The following SLC24A4 variants were observed in gnomAD, a reference collection of about 807,000 sequenced individuals.
SLC24A4 encodes the protein solute carrier family 24 member 4, also known as sodium/potassium/calcium exchanger 4.
A neutral mutation model predicts 79.0 loss-of-function variants in SLC24A4; 53 were observed. The ratio of observed to expected loss-of-function variants is 0.67; its 90% CI spans 0.54 to 0.84. The LOEUF is 0.84. Ranked by LOEUF, SLC24A4 falls within the 40% of genes least tolerant of loss-of-function variation. The pLI, the probability that SLC24A4 is intolerant of heterozygous loss-of-function variation, is 0.00. For missense variants in SLC24A4, 731 were observed against 822.0 expected (o/e 0.89, Z 1.35); for synonymous variants, 323 against 323.8 (o/e 1.00, Z 0.03).
intron 3 of SLC24A4, among the ~76,000 whole-genome samples, chr14:92,436,777 G>GCT (rs374994948): frequency 3.3e-4 from 50 of 152,320 alleles, no homozygotes; most frequent in Middle Eastern, 6.8e-3. Context: ...AGAAGAGAGA[G>GCT]AGGCCTTTTG....
chr14:92,481,050 A>G lies in SLC24A4; in HGVS notation c.1256-1630A>G, dbSNP rs182999925. On this transcript the variant is annotated intron_variant, in intron 12 of 16. Coordinates refer to ENST00000532405, the MANE Select transcript of SLC24A4 (RefSeq NM_153646.4). Reference sequence around the variant, plus strand: ...TCGTTCTCCCAGTCTTTGCCAAGGGACTCTGTATGTGTTTTGGGGCATGCC... The same window carrying G: ...TCGTTCTCCCAGTCTTTGCCAAGGGGCTCTGTATGTGTTTTGGGGCATGCC... Among the ~76,000 whole-genome samples, 298 of 152,028 alleles carry G rather than the reference A, an allele frequency of 2.0e-3. 1 individual carries two copies. Among genetic ancestry groups the G allele is most frequent in the Non-Finnish European group, 3.1e-3 (213 of 67,966 alleles).
chr14:92,488,690 C>T (rs1895510791), intron 14 of SLC24A4, among the ~76,000 whole-genome samples: 5 of 151,736 alleles, frequency 3.3e-5, no homozygotes, highest in Admixed American at 3.3e-4. Flanking sequence ...CAGCCCAGTA[C>T]AGTGAGTACA....
chr14:92,436,686 C>T (rs1320242929), intron 3 of SLC24A4, among the ~76,000 whole-genome samples: 1 of 152,174 alleles, frequency 6.6e-6, no homozygotes, highest in Non-Finnish European at 1.5e-5. Context: ...CCAGTTTTGC[C>T]TGCAGTGCTC....
In SLC24A4 at chr14:92,449,137, G is replaced by A. The variant is rs757484775; in HGVS notation, c.801G>A (p.Pro267=). 3.7e-5 allele frequency: 59 copies of A among 1,614,040 alleles called. No homozygotes were observed. In the East Asian group the frequency reaches 4.9e-4, roughly 13 times the overall value. ...VKQKSIANGN[P]VNSELEAGND... ...AAAAGAGCATTGCAAACGGTAACCC[G>A]GTCAACAGTGAGCTGGAGGCTGGTA... The change falls in exon 10 of 17, where the codon CCG becomes CCA. Residue 267 remains proline (P), a synonymous_variant. Coordinates refer to ENST00000532405, the MANE Select transcript of SLC24A4 (RefSeq NM_153646.4).
At chr14:92,338,180 G>A (rs1188199621) in intron 2 of SLC24A4, among the ~76,000 whole-genome samples, 2 of 152,070 alleles carry the variant, frequency 1.3e-5, no homozygotes, top group East Asian at 1.9e-4. Flanking sequence ...AATGAGAGCT[G>A]GAATTTGGAG....
intron 7 of SLC24A4, 66 bp downstream of exon 7, chr14:92,443,540 C>T (rs1892624070): frequency 1.3e-6 from 2 of 1,494,064 alleles, no homozygotes; most frequent in South Asian, 2.3e-5. Flanking sequence ...GGACCCCTGC[C>T]CATCTCTGCC....
At chr14:92,326,639 C>G (rs886863301) in intron 2 of SLC24A4, among the ~76,000 whole-genome samples, 1 of 152,168 alleles carries the variant, frequency 6.6e-6, no homozygotes, top group Non-Finnish European at 1.5e-5. Flanking sequence ...CAGGAGAAGA[C>G]AGCGTATTGG....
chr14:92,391,494 G>A (rs72631608), intron 2 of SLC24A4, among the ~76,000 whole-genome samples: 10,629 of 152,186 alleles, frequency 0.07, 510 homozygotes, highest in Non-Finnish European at 0.097. Flanking sequence ...ACTTGCCACC[G>A]TCCACACTCC....
Position 92,487,350 on chromosome 14 carries a change from C to A in SLC24A4, c.1537+570C>A, listed in dbSNP as rs1166203051. 7.2e-5 allele frequency among the ~76,000 whole-genome samples: 11 copies of A among 152,294 alleles called. No individual in the cohort carries two copies. In the East Asian group the frequency reaches 1.9e-3, roughly 27 times the overall value. On this transcript the variant is annotated intron_variant, in intron 14 of 16. Coordinates refer to ENST00000532405, the MANE Select transcript of SLC24A4 (RefSeq NM_153646.4). ...TTCTTTTCTGCTAGCCAGGTAGCAT[C>A]CCAGCATGGACATCCACAGATCTTC... is the stretch of plus-strand genomic sequence containing the variant.
chr14:92,430,055 T>G (rs979061760), intron 2 of SLC24A4, among the ~76,000 whole-genome samples: 1 of 152,248 alleles, frequency 6.6e-6, no homozygotes. Flanking sequence ...CCTAATCCAG[T>G]GCCTGGCACA....
At chr14:92,343,633 T>TCTTTCC (rs1886316895) in intron 2 of SLC24A4, among the ~76,000 whole-genome samples, 1 of 96,722 alleles carries the variant, frequency 1.0e-5, no homozygotes, top group South Asian at 3.4e-4. Flanking sequence ...TCTTTCTTTC[T>TCTTTCC]TTCTTTCTCT....
intron 2 of SLC24A4, among the ~76,000 whole-genome samples, chr14:92,344,035 T>C (rs1389128691): frequency 6.6e-6 from 1 of 152,170 alleles, no homozygotes; most frequent in East Asian, 1.9e-4. Context: ...GCTTATGTTA[T>C]TGTTTGCATT....
chr14:92,432,764 G>A (rs1336683153), intron 2 of SLC24A4, among the ~76,000 whole-genome samples: 1 of 152,134 alleles, frequency 6.6e-6, no homozygotes, highest in African/African-American at 2.4e-5. Context: ...CTTGCCGAGA[G>A]AATCAGATCT....
At chr14:92,385,643 G>A (rs1049256487) in intron 2 of SLC24A4, among the ~76,000 whole-genome samples, 3 of 152,186 alleles carry the variant, frequency 2.0e-5, no homozygotes, top group African/African-American at 4.8e-5. Flanking sequence ...GGAGAGGCAG[G>A]CTCAGCAGGA....
intron 2 of SLC24A4, among the ~76,000 whole-genome samples, chr14:92,346,975 G>T (rs1217042850): frequency 1.3e-5 from 2 of 152,164 alleles, no homozygotes; most frequent in Non-Finnish European, 2.9e-5. Context: ...GACCCCAAGA[G>T]TCAGGGTTCG....
chr14:92,406,365 G>A (rs1342622807), intron 2 of SLC24A4, among the ~76,000 whole-genome samples: 3 of 152,202 alleles, frequency 2.0e-5, no homozygotes, highest in Non-Finnish European at 4.4e-5. Flanking sequence ...CTGGGGTCTG[G>A]AGGATGGTGA....
At chr14:92,381,887 A>C (rs1888872313) in intron 2 of SLC24A4, among the ~76,000 whole-genome samples, 1 of 152,188 alleles carries the variant, frequency 6.6e-6, no homozygotes. Context: ...TGTGATTGTA[A>C]GGCGGAGAGC....
chr14:92,411,484 T>C (rs138449714), intron 2 of SLC24A4, among the ~76,000 whole-genome samples: 121 of 152,316 alleles, frequency 7.9e-4, no homozygotes, highest in African/African-American at 2.8e-3. Flanking sequence ...GGTAATTCCC[T>C]TCTTTCATTT....
intron 2 of SLC24A4, among the ~76,000 whole-genome samples, chr14:92,328,854 C>A (rs1358879316): frequency 1.3e-5 from 2 of 152,252 alleles, no homozygotes; most frequent in Non-Finnish European, 2.9e-5. Flanking sequence ...ACTGAAGCTG[C>A]CACGCCTACC....
Sources: gnomAD v4.1 joint callset for allele counts (sites outside exome capture counted in the v4.1 genomes callset) on GRCh38, gnomAD v4.1.1 for gene constraint, MANE v1.5 for transcripts, NCBI Gene and HGNC (gene_info 2026-07-23, HGNC 2026-07-21) for gene names.